The following ZNF804A variants were observed in gnomAD, a reference collection of about 807,000 sequenced individuals.
ZNF804A encodes zinc finger protein 804A.
ZNF804A carries 2 observed loss-of-function variants against 16.5 expected under a neutral mutation model. The observed-to-expected ratio is 0.12, with a 90% CI of 0.05 to 0.38. ZNF804A has a LOEUF of 0.38. Ranked by LOEUF, ZNF804A falls within the 10% of genes least tolerant of loss-of-function variation. The pLI is 0.99. For synonymous variants in ZNF804A, 534 were observed against 489.6 expected, an observed-to-expected ratio of 1.09 and a Z score of -1.20; for missense variants, 1,473 against 1,390.7, an observed-to-expected ratio of 1.06 and a Z score of -0.94.
chr2:184,761,799 G>A (rs1694039793), intron 1 of ZNF804A, among the ~76,000 whole-genome samples: 1 of 152,136 alleles, frequency 6.6e-6, no homozygotes, highest in Admixed American at 6.5e-5. Flanking sequence ...GTTTGAAGGT[G>A]TTAAGATCAT....
chr2:184,790,726 C>G (rs780107438), intron 1 of ZNF804A, among the ~76,000 whole-genome samples: 4 of 152,022 alleles, frequency 2.6e-5, no homozygotes, highest in Non-Finnish European at 5.9e-5. Flanking sequence ...GCCTCAGCCT[C>G]CAGAGCAGCT....
chr2:184,618,840 T>G (rs759907833), intron 1 of ZNF804A, among the ~76,000 whole-genome samples: 1 of 152,136 alleles, frequency 6.6e-6, no homozygotes, highest in Non-Finnish European at 1.5e-5. Flanking sequence ...CTGCCCATTT[T>G]CTAATCACTG....
chr2:184,843,682 C>T (rs1220573321), intron 1 of ZNF804A, among the ~76,000 whole-genome samples: 1 of 152,142 alleles, frequency 6.6e-6, no homozygotes, highest in Non-Finnish European at 1.5e-5. Flanking sequence ...GAGTTTTCAG[C>T]ATAGACAAGC....
At chr2:184,883,051 A>T (rs1684833694) in intron 2 of ZNF804A, among the ~76,000 whole-genome samples, 1 of 152,098 alleles carries the variant, frequency 6.6e-6, no homozygotes. Flanking sequence ...TAACAAAGAA[A>T]AACAGAGAGA....
At chr2:184,812,553 T>C (rs1694918873) in intron 1 of ZNF804A, among the ~76,000 whole-genome samples, 1 of 152,154 alleles carries the variant, frequency 6.6e-6, no homozygotes, top group Non-Finnish European at 1.5e-5. Context: ...GATCCTTTTT[T>C]ATGAAAGTAC....
At chr2:184,742,272 AT>A (rs1351668403) in intron 1 of ZNF804A, among the ~76,000 whole-genome samples, 2 of 152,028 alleles carry the variant, frequency 1.3e-5, no homozygotes, top group East Asian at 3.8e-4. Flanking sequence ...CTTATTATCC[AT>A]TGTTAAACCT....
intron 1 of ZNF804A, among the ~76,000 whole-genome samples, chr2:184,652,233 T>G (rs1243229040): frequency 6.6e-6 from 1 of 152,076 alleles, no homozygotes; most frequent in East Asian, 1.9e-4. Context: ...TTGAGCTAAA[T>G]ATTGGGTACT....
Position 184,746,265 on chromosome 2 carries a change from C to T in ZNF804A, c.112-120104C>T, listed in dbSNP as rs747155932. ...TAACTATAGTTGCCCTATTGTGATA[C>T]GAAGCACTAGACCTTATTCCTTCTA... is the stretch of plus-strand genomic sequence containing the variant. On this transcript the variant is annotated intron_variant, in intron 1 of 3. Transcript: ENST00000302277. Among the ~76,000 whole-genome samples, 23 of 151,352 alleles carry T rather than the reference C, an allele frequency of 1.5e-4. 1 individual carries two copies. Among genetic ancestry groups the T allele is most frequent in the African/African-American group, 2.4e-4 (10 of 41,328 alleles).
At chr2:184,847,618 G>A (rs1018159248) in intron 1 of ZNF804A, among the ~76,000 whole-genome samples, 1 of 151,994 alleles carries the variant, frequency 6.6e-6, no homozygotes, top group Non-Finnish European at 1.5e-5. Flanking sequence ...CCACATACGT[G>A]GGTATTTTTT....
At position 184,936,998 on chromosome 2, in the gene ZNF804A, T is replaced by C; in HGVS notation, c.1602T>C (p.Ser534=). 6.2e-7 allele frequency: 1 copy of C among 1,613,666 alleles called. No individual in the cohort carries two copies. The change falls in exon 4 of 4, where the codon AGT becomes AGC. Residue 534 remains serine, a synonymous_variant. Coordinates refer to ENST00000302277, the MANE Select transcript of ZNF804A (RefSeq NM_194250.2). ...TPLLADDILS[S]SCDSGKNENT... ...TTTTGGCTGATGATATTCTCTCCAG[T>C]AGTTGTGATTCTGGAAAAAATGAGA...
intron 1 of ZNF804A, among the ~76,000 whole-genome samples, chr2:184,776,135 A>T (rs1694282143): frequency 6.6e-6 from 1 of 151,682 alleles, no homozygotes; most frequent in Non-Finnish European, 1.5e-5. Context: ...TTTCTTAGAA[A>T]AAAGAACAGT....
chr2:184,602,775 T>C (rs1000515465), intron 1 of ZNF804A, among the ~76,000 whole-genome samples: 19 of 151,668 alleles, frequency 1.3e-4, no homozygotes, highest in Admixed American at 1.2e-3. Context: ...TTCAAAAGAA[T>C]CAGTGATAGT....
intron 2 of ZNF804A, among the ~76,000 whole-genome samples, chr2:184,932,705 T>C (rs1196652774): frequency 6.6e-6 from 1 of 152,150 alleles, no homozygotes; most frequent in Admixed American, 6.6e-5. Flanking sequence ...AAAATAGTAC[T>C]TTTATTATTT....
intron 1 of ZNF804A, among the ~76,000 whole-genome samples, chr2:184,608,773 C>T (rs984656966): frequency 2.0e-5 from 3 of 152,060 alleles, no homozygotes; most frequent in Admixed American, 6.5e-5. Flanking sequence ...AAGATTATTT[C>T]AGGGACATGA....
intron 2 of ZNF804A, among the ~76,000 whole-genome samples, chr2:184,898,811 C>T (rs1461607774): frequency 1.3e-5 from 2 of 151,840 alleles, no homozygotes; most frequent in Admixed American, 1.3e-4. Context: ...AAAAGTACTT[C>T]CATGTTTAGT....
chr2:184,753,237 A>G (rs985308985), intron 1 of ZNF804A, among the ~76,000 whole-genome samples: 1 of 151,670 alleles, frequency 6.6e-6, no homozygotes, highest in East Asian at 1.9e-4. Flanking sequence ...ATTGATAATA[A>G]TTATGTATTT....
At chr2:184,666,463 CAT>C (rs1190605845) in intron 1 of ZNF804A, among the ~76,000 whole-genome samples, 1 of 151,874 alleles carries the variant, frequency 6.6e-6, no homozygotes, top group African/African-American at 2.4e-5. Flanking sequence ...GTAGGAATAA[CAT>C]ATGCAAATAG....
intron 1 of ZNF804A, among the ~76,000 whole-genome samples, chr2:184,841,388 G>C (rs562163731): frequency 2.6e-5 from 4 of 152,254 alleles, no homozygotes; most frequent in Non-Finnish European, 5.9e-5. Context: ...TTTGATTAGA[G>C]TTTAATTACA....
intron 1 of ZNF804A, among the ~76,000 whole-genome samples, chr2:184,794,861 G>C (rs1477145758): frequency 6.6e-6 from 1 of 151,214 alleles, no homozygotes; most frequent in Non-Finnish European, 1.5e-5. Flanking sequence ...TTTCTAACAG[G>C]GAAATATCAC....
Sources: allele counts gnomAD v4.1 joint callset (sites outside exome capture counted in the v4.1 genomes callset), GRCh38; gene constraint gnomAD v4.1.1; transcripts MANE v1.5; gene names NCBI Gene and HGNC (gene_info 2026-07-23, HGNC 2026-07-21).